Variants in TENM3 observed in about 807,000 individuals in gnomAD.
TENM3 encodes teneurin transmembrane protein 3, also known as teneurin-3.
Under a neutral mutation model 255.1 loss-of-function variants are expected in TENM3, and 63 were observed. The ratio of observed to expected loss-of-function variants is 0.25; its 90% CI spans 0.20 to 0.30. The LOEUF (loss-of-function observed/expected upper bound fraction) is 0.30, where lower values mean the gene tolerates loss of function less well. Ranked by LOEUF, TENM3 falls within the 10% of genes least tolerant of loss-of-function variation. The pLI is 1.00. For missense variants in TENM3, 2,929 were observed against 3,461.1 expected (o/e 0.85, Z 3.86); for synonymous variants, 1,306 against 1,322.3 (o/e 0.99, Z 0.27).
At chr4:182,228,384 G>GTATATATA (rs1561218880) in intron 1 of TENM3, among the ~76,000 whole-genome samples, 1 of 127,274 alleles carries the variant, frequency 7.9e-6, no homozygotes, top group African/African-American at 3.4e-5. Flanking sequence ...GTGTGTGTGT[G>GTATATATA]TGTGTGTGTA....
chr4:182,570,388 A>G (rs1196776666), intron 3 of TENM3, among the ~76,000 whole-genome samples: 1 of 152,184 alleles, frequency 6.6e-6, no homozygotes, highest in Non-Finnish European at 1.5e-5. Context: ...AATACCACAT[A>G]TTGACTCCCA....
intron 19 of TENM3, among the ~76,000 whole-genome samples, chr4:182,746,905 G>C (rs1948851237): frequency 6.6e-6 from 1 of 152,202 alleles, no homozygotes; most frequent in Admixed American, 6.5e-5. Flanking sequence ...CATTTGCTTA[G>C]TAAGTAATAA....
the TENM3 span, among the ~76,000 whole-genome samples, chr4:181,899,068 A>G: frequency 6.6e-6 from 1 of 152,072 alleles, no homozygotes; most frequent in Admixed American, 6.6e-5. Context: ...ATTCTAAAAT[A>G]TTTATAGTGA....
chr4:181,818,908 ATC>A, the TENM3 span, among the ~76,000 whole-genome samples: 4 of 152,064 alleles, frequency 2.6e-5, no homozygotes, highest in Admixed American at 1.3e-4. Context: ...TGGCCAGTAA[ATC>A]TCTTAATACA....
the TENM3 span, among the ~76,000 whole-genome samples, chr4:182,054,545 A>G: frequency 1.3e-5 from 2 of 152,180 alleles, no homozygotes; most frequent in Non-Finnish European, 2.9e-5. Context: ...GCAACATAAC[A>G]TGATGACTAT....
At chr4:181,705,626 G>C in the TENM3 span, among the ~76,000 whole-genome samples, 1 of 152,118 alleles carries the variant, frequency 6.6e-6, no homozygotes, top group Non-Finnish European at 1.5e-5. Flanking sequence ...CTTTAGAAAA[G>C]AGAGCTAATC....
At chr4:182,238,218 T>C (rs1757010945) in intron 1 of TENM3, among the ~76,000 whole-genome samples, 2 of 152,086 alleles carry the variant, frequency 1.3e-5, no homozygotes, top group South Asian at 4.1e-4. Flanking sequence ...GTCGGAAGCC[T>C]GGATCCTCCT....
rs565655403 is a variant in TENM3 at position 182,294,712 on chromosome 4, C to A, written c.-75-29234C>A. On this transcript the variant is annotated intron_variant, in intron 1 of 27. Coordinates refer to ENST00000511685, the MANE Select transcript of TENM3 (RefSeq NM_001080477.4). ...TGCTGTACTACTGACCACGGCTTTGCATTTACCAAGAACGCCAAATGTTAT... is the reference window on the plus strand; with the variant it reads ...TGCTGTACTACTGACCACGGCTTTGAATTTACCAAGAACGCCAAATGTTAT... Among the ~76,000 whole-genome samples the A allele has an allele frequency of 2.0e-5, 3 of 152,302 alleles. No individual in the cohort carries two copies. In the East Asian group the frequency reaches 5.8e-4, roughly 29 times the overall value.
chr4:182,570,829 CA>C (rs35697079), intron 3 of TENM3, among the ~76,000 whole-genome samples: 49,267 of 144,820 alleles, frequency 0.34, 9,227 homozygotes, highest in East Asian at 0.49. Flanking sequence ...GACTCTGTGT[CA>C]AAAAAAAAAA....
intron 1 of TENM3, among the ~76,000 whole-genome samples, chr4:182,195,885 A>T (rs1753807335): frequency 6.6e-6 from 1 of 152,180 alleles, no homozygotes; most frequent in Admixed American, 6.5e-5. Flanking sequence ...TCAGAAAAAA[A>T]AATTCTCTAA....
the TENM3 span, among the ~76,000 whole-genome samples, chr4:181,629,749 T>C: frequency 6.6e-6 from 1 of 152,248 alleles, no homozygotes; most frequent in Non-Finnish European, 1.5e-5. Context: ...AGTATTTTAT[T>C]GAGGATTTTT....
intron 3 of TENM3, among the ~76,000 whole-genome samples, chr4:182,475,168 T>C (rs1045390587): frequency 2.0e-5 from 3 of 152,218 alleles, no homozygotes; most frequent in African/African-American, 7.2e-5. Flanking sequence ...AGGACTCCTT[T>C]AGTGGTAGGT....
intron 1 of TENM3, among the ~76,000 whole-genome samples, chr4:182,153,954 A>G (rs991105423): frequency 4.6e-5 from 7 of 152,154 alleles, no homozygotes; most frequent in Non-Finnish European, 1.0e-4. Flanking sequence ...TGAAGTATAA[A>G]TAGTTCATAC....
At chr4:182,504,785 G>A (rs940151332) in intron 3 of TENM3, among the ~76,000 whole-genome samples, 1 of 152,180 alleles carries the variant, frequency 6.6e-6, no homozygotes, top group Non-Finnish European at 1.5e-5. Flanking sequence ...AGCCTGGTCT[G>A]TCAACTACAG....
chr4:181,637,815 G>A, the TENM3 span, among the ~76,000 whole-genome samples: 4 of 152,308 alleles, frequency 2.6e-5, no homozygotes, highest in South Asian at 8.3e-4. Flanking sequence ...CGTGAGACAT[G>A]CATTTTTGTT....
In TENM3 at chr4:182,710,896, G is replaced by A. The variant is rs553484309; in HGVS notation, c.2222-3191G>A. 5.3e-5 allele frequency among the ~76,000 whole-genome samples: 8 copies of A among 152,230 alleles called. No individual in the cohort carries two copies. In the East Asian group the frequency reaches 1.4e-3, roughly 26 times the overall value. ...TCATGAAACAAGTGGACAGGGGCAG[G>A]TACAGGTACAGAAAAAGATTCAGTC... On this transcript the variant is annotated intron_variant, in intron 12 of 27. Coordinates refer to ENST00000511685, the MANE Select transcript of TENM3 (RefSeq NM_001080477.4).
chr4:182,289,738 G>A (rs958661805), intron 1 of TENM3, among the ~76,000 whole-genome samples: 8 of 152,180 alleles, frequency 5.3e-5, no homozygotes, highest in East Asian at 1.9e-4. Flanking sequence ...GCTTAGAGGT[G>A]TATGAAAATG....
chr4:182,684,167 G>A (rs1231338152), intron 11 of TENM3, among the ~76,000 whole-genome samples: 1 of 151,088 alleles, frequency 6.6e-6, no homozygotes, highest in East Asian at 2.0e-4. Flanking sequence ...AGAGAAGCAG[G>A]GAAGAGAGAA....
intron 22 of TENM3, among the ~76,000 whole-genome samples, chr4:182,761,446 TGTC>T (rs200938805): frequency 7.0e-6 from 1 of 143,272 alleles, no homozygotes; most frequent in Non-Finnish European, 1.5e-5. Flanking sequence ...ATTAGAGAGG[TGTC>T]TTCCACAGGA....
Sources: allele counts gnomAD v4.1 joint callset (sites outside exome capture counted in the v4.1 genomes callset), GRCh38; gene constraint gnomAD v4.1.1; transcripts MANE v1.5; gene names NCBI Gene and HGNC (gene_info 2026-07-23, HGNC 2026-07-21).